Variants in TMEM132B observed in about 807,000 individuals in gnomAD.
TMEM132B encodes transmembrane protein 132B.
In TMEM132B, 18 loss-of-function variants were observed where a neutral mutation model predicts 90.8. The ratio of observed to expected loss-of-function variants is 0.20; its 90% confidence interval spans 0.14 to 0.29. TMEM132B has a LOEUF of 0.29. Among genes scored for constraint, TMEM132B ranks in the 10% least tolerant of loss-of-function variants. The pLI, the probability that TMEM132B is intolerant of heterozygous loss-of-function variation, is 1.00. For missense variants in TMEM132B, 1,096 were observed against 1,326.8 expected (o/e 0.83, Z 2.70); for synonymous variants, 504 against 523.3 (o/e 0.96, Z 0.50).
At chr12:125,351,653 A>G (rs981626576) in intron 2 of TMEM132B, among the ~76,000 whole-genome samples, 1 of 152,244 alleles carries the variant, frequency 6.6e-6, no homozygotes, top group African/African-American at 2.4e-5. Flanking sequence ...GAAAGCGGCT[A>G]TCATCCCTCC....
chr12:125,636,126 A>G (rs375718198), intron 5 of TMEM132B, among the ~76,000 whole-genome samples: 22 of 152,018 alleles, frequency 1.4e-4, no homozygotes, highest in African/African-American at 5.3e-4. Flanking sequence ...TGCTCCCCTG[A>G]GTTTTGGTTC....
intron 3 of TMEM132B, among the ~76,000 whole-genome samples, chr12:125,509,522 T>G (rs1401232878): frequency 6.6e-6 from 1 of 152,146 alleles, no homozygotes; most frequent in Non-Finnish European, 1.5e-5. Flanking sequence ...TGTGCACATT[T>G]GTGTAAAAGT....
rs547036707 is a variant in TMEM132B at position 125,493,519 on chromosome 12, C to T, written c.1107-25920C>T. Among the ~76,000 whole-genome samples the T allele has an allele frequency of 2.0e-5, 3 of 152,202 alleles. No homozygotes were observed. The South Asian group carries it at 6.2e-4, about 32-fold the overall frequency. ...GACTACCCAGCATGTTAGTTTTTCTCCACTGGCCCTCACTTCCACTCACCT... is the reference window on the plus strand; with the variant it reads ...GACTACCCAGCATGTTAGTTTTTCTTCACTGGCCCTCACTTCCACTCACCT... On this transcript the variant is annotated intron_variant, in intron 3 of 8. Coordinates refer to ENST00000682704, the MANE Select transcript of TMEM132B (RefSeq NM_001366854.1).
chr12:125,313,886 C>T lies in TMEM132B; in HGVS notation c.68-35566C>T, dbSNP rs1183995705. On this transcript the variant is annotated intron_variant, in intron 1 of 8. Transcript: ENST00000682704. ...TGCCTTTTCATTTTGCACCGGGCCC[C>T]GCATATGACCTAGCCGGTCCTGTGT... Among the ~76,000 whole-genome samples the T allele has an allele frequency of 4.0e-5, 6 of 151,314 alleles. No homozygotes were observed. The South Asian group carries it at 1.1e-3, about 27-fold the overall frequency.
intron 5 of TMEM132B, among the ~76,000 whole-genome samples, chr12:125,631,461 T>C (rs1036038375): frequency 1.2e-4 from 18 of 152,202 alleles, no homozygotes; most frequent in African/African-American, 4.3e-4. Flanking sequence ...ATGTATATTC[T>C]GCAGGCTTTG....
Position 125,408,077 on chromosome 12 carries a change from C to T in TMEM132B, c.960-7454C>T, listed in dbSNP as rs541914592. Among the ~76,000 whole-genome samples, 35 of 152,290 alleles carry T rather than the reference C, an allele frequency of 2.3e-4. No individual in the cohort carries two copies. The highest frequency in any genetic ancestry group is 6.5e-4 in the African/African-American group (27 of 41,548). On this transcript the variant is annotated intron_variant, in intron 2 of 8. Transcript: ENST00000682704. The surrounding 1 kb of genome is among the most constrained non-coding windows in gnomAD (Gnocchi z 5.9). The stretch of plus-strand genomic sequence containing the variant: ...GCGGCCACTGTGCAGGCTTTCACCT[C>T]GGAGATCTGTGTGCCTGCTTCTGAC...
intron 3 of TMEM132B, among the ~76,000 whole-genome samples, chr12:125,448,498 A>C (rs1279544634): frequency 1.3e-5 from 2 of 152,184 alleles, no homozygotes; most frequent in Non-Finnish European, 2.9e-5. Flanking sequence ...GCTCAGAAGA[A>C]TGCTTTAAGG....
At chr12:125,430,828 A>G (rs1880478572) in intron 3 of TMEM132B, among the ~76,000 whole-genome samples, 1 of 152,326 alleles carries the variant, frequency 6.6e-6, no homozygotes, top group African/African-American at 2.4e-5. Flanking sequence ...AAAGCTAACA[A>G]GAAAAATAAG....
intron 1 of TMEM132B, among the ~76,000 whole-genome samples, chr12:125,342,899 A>G (rs1593094735): frequency 6.6e-6 from 1 of 152,276 alleles, no homozygotes; most frequent in South Asian, 2.1e-4. Flanking sequence ...TGTAGTTGAG[A>G]AAAGTGGAGA....
chr12:125,532,896 G>T (rs1883683556), intron 4 of TMEM132B, among the ~76,000 whole-genome samples: 1 of 152,180 alleles, frequency 6.6e-6, no homozygotes, highest in South Asian at 2.1e-4. Flanking sequence ...ATGTATCACA[G>T]TTTGGGGGTT....
At chr12:125,270,114 G>T (rs1259304380) in intron 1 of TMEM132B, among the ~76,000 whole-genome samples, 4 of 65,620 alleles carry the variant, frequency 6.1e-5, no homozygotes, top group Middle Eastern at 9.1e-3. Flanking sequence ...CATCTTTGTT[G>T]TGTGTGTGTG....
At chr12:125,291,334 G>A (rs1875533051) in intron 1 of TMEM132B, among the ~76,000 whole-genome samples, 1 of 152,208 alleles carries the variant, frequency 6.6e-6, no homozygotes, top group African/African-American at 2.4e-5. Flanking sequence ...GTGGTACTTT[G>A]TTATAGCAAC....
chr12:125,188,309 A>G (rs1957771614), intron 1 of TMEM132B, among the ~76,000 whole-genome samples: 2 of 152,158 alleles, frequency 1.3e-5, no homozygotes, highest in Non-Finnish European at 2.9e-5. Flanking sequence ...TCTGCGGTCC[A>G]CGAGAGGGGC....
rs374232488 is a variant in TMEM132B, at chr12:125,653,621, C to A, written c.2163C>A (p.Asp721Glu). Reference sequence around the variant, plus strand: ...GTGATGGTTCGGTGACACCTTTAGACATTTACGATCCTAAGGATTATTCTG... The same window carrying A: ...GTGATGGTTCGGTGACACCTTTAGAAATTTACGATCCTAAGGATTATTCTG... ...LFSDGSVTPL[D>E]IYDPKDYSVT... The change falls in exon 9 of 9, where the codon GAC becomes GAA. Residue 721 changes from aspartate (D) to glutamate (E), a missense_variant. Asp to Glu is a conservative substitution (Grantham distance 45). Transcript: ENST00000682704. 6 of 1,614,054 alleles carry A rather than the reference C, an allele frequency of 3.7e-6. No homozygotes were observed. In the African/African-American group the frequency reaches 8.0e-5, roughly 22 times the overall value.
intron 2 of TMEM132B, among the ~76,000 whole-genome samples, chr12:125,402,820 G>A (rs1028159246): frequency 6.6e-6 from 1 of 152,174 alleles, no homozygotes; most frequent in Non-Finnish European, 1.5e-5. Context: ...GATTCATACA[G>A]CAAATGTTTA....
At chr12:125,368,019 T>C (rs947407355) in intron 2 of TMEM132B, among the ~76,000 whole-genome samples, 28 of 152,216 alleles carry the variant, frequency 1.8e-4, no homozygotes, top group Admixed American at 3.3e-4. Context: ...GTTTAAGTGA[T>C]TGCTCTAGGG....
intron 1 of TMEM132B, among the ~76,000 whole-genome samples, chr12:125,311,177 T>C (rs1396229657): frequency 1.3e-5 from 2 of 152,172 alleles, no homozygotes; most frequent in African/African-American, 4.8e-5. Context: ...GATTCTTTCT[T>C]ACGGATGCTC....
At chr12:125,548,328 A>G (rs1277140984) in intron 4 of TMEM132B, among the ~76,000 whole-genome samples, 1 of 152,218 alleles carries the variant, frequency 6.6e-6, no homozygotes, top group Non-Finnish European at 1.5e-5. Context: ...AGATGTAGGC[A>G]GATATCTCAG....
At chr12:125,640,865 T>G (rs551517567) in intron 5 of TMEM132B, among the ~76,000 whole-genome samples, 1 of 152,074 alleles carries the variant, frequency 6.6e-6, no homozygotes. Context: ...TTATTTGAGA[T>G]AGTTATAAAA....
Sources: allele counts gnomAD v4.1 joint callset (sites outside exome capture counted in the v4.1 genomes callset), GRCh38; gene constraint gnomAD v4.1.1; non-coding constraint Gnocchi (gnomAD v3.1); transcripts MANE v1.5; gene names NCBI Gene and HGNC (gene_info 2026-07-23, HGNC 2026-07-21).